The following HYKK variants were observed in gnomAD, a reference collection of about 807,000 sequenced individuals.
HYKK encodes the protein hydroxylysine kinase.
HYKK carries 19 observed loss-of-function variants against 29.7 expected under a neutral mutation model. The observed-to-expected ratio is 0.64, with a 90% CI of 0.45 to 0.94. The LOEUF is 0.94. HYKK is among the 40% of genes least tolerant of loss of function. The probability of loss-of-function intolerance (pLI) is 0.00; values close to 1 mark genes in which losing one functional copy is unlikely to be tolerated. For missense variants in HYKK, 390 were observed against 443.4 expected (o/e 0.88, Z 1.08); for synonymous variants, 152 against 158.1 (o/e 0.96, Z 0.29).
At chr15:78,528,922 GA>G in intron 4 of HYKK, 1 of 888,454 alleles carries the variant, frequency 1.1e-6, no homozygotes, top group African/African-American at 1.8e-5. Context: ...CGTAAAAACA[GA>G]GTTGATTTTT....
At position 78,534,180 on chromosome 15, in the gene HYKK, C is replaced by T. The variant is rs184658386; in HGVS notation, c.*510C>T. ...GTATAATGGATCGTGGTTGTGCAGT[C>T]ATCTTGCCTGAGAGCTACTGAGGGC... On this transcript the variant is annotated 3_prime_UTR_variant, in exon 5 of 5. Transcript: ENST00000388988. 7.3e-5 allele frequency: 11 copies of T among 151,372 alleles called. No individual in the cohort carries two copies. The highest frequency in any genetic ancestry group is 2.7e-4 in the African/African-American group (11 of 41,078). The allele number at this position is 151,372 out of a possible 1,614,324, so 9.4% of individuals were successfully genotyped here. A position where few individuals can be genotyped will look rare whatever the true frequency, so the allele number is the denominator to read the frequency against.
At chr15:78,517,611 C>T (rs1004150335) in intron 3 of HYKK, among the ~76,000 whole-genome samples, 1 of 151,984 alleles carries the variant, frequency 6.6e-6, no homozygotes, top group African/African-American at 2.4e-5. Context: ...TCTTTATCTC[C>T]AGTTTTGAGC....
rs1469685175 is a variant in HYKK, at chr15:78,527,473, C to T, written c.571C>T (p.Leu191=). Residue 191 remains leucine, a synonymous_variant, in exon 4 of 5, where the codon CTG becomes TTG. Coordinates refer to ENST00000388988, the MANE Select transcript of HYKK (RefSeq NM_001013619.4). Reference sequence around the variant, plus strand: ...TCTTCTGGAGAAATACCTGTATGCCCTGGGCCAGAATCGAAACCGAGAGAT... The same window carrying T: ...TCTTCTGGAGAAATACCTGTATGCCTTGGGCCAGAATCGAAACCGAGAGAT... The part of the protein sequence containing the change: ...VPLLEKYLYA[L]GQNRNREIVE... 1 of 1,614,030 alleles carries T rather than the reference C, an allele frequency of 6.2e-7. No individual in the cohort carries two copies. Among genetic ancestry groups the T allele is most frequent in the African/African-American group, 1.3e-5 (1 of 74,996 alleles).
intron 4 of HYKK, chr15:78,527,809 T>C: frequency 9.4e-7 from 1 of 1,061,298 alleles, no homozygotes; most frequent in Non-Finnish European, 1.2e-6. Context: ...ATATGTATGA[T>C]TTATAAATTA....
At chr15:78,532,067 T>C (rs1405244338) in intron 4 of HYKK, among the ~76,000 whole-genome samples, 1 of 152,212 alleles carries the variant, frequency 6.6e-6, no homozygotes, top group Non-Finnish European at 1.5e-5. Context: ...TCATTGCTCA[T>C]GGACACTTAC....
chr15:78,519,216 A>G (rs1365810225), intron 3 of HYKK, among the ~76,000 whole-genome samples: 2 of 152,280 alleles, frequency 1.3e-5, no homozygotes, highest in East Asian at 3.9e-4. Context: ...CTATACTTAC[A>G]ATAATCACCA....
rs1460503838 is a variant in HYKK at position 78,513,196 on chromosome 15, G to T, written c.108G>T (p.Lys36Asn). Reference protein sequence around the residue: ...VESVFGLKVSKVRPLPSYDDQ... With the variant: ...VESVFGLKVSNVRPLPSYDDQ... ...CAGTGTTTGGGTTGAAAGTTTCCAA[G>T]GTCCGGCCACTTCCTAGCTATGATG... The change falls in exon 2 of 5, where the codon AAG (lysine) becomes AAT (asparagine). Residue 36 changes from lysine to asparagine, a missense_variant. Coordinates refer to ENST00000388988, the MANE Select transcript of HYKK (RefSeq NM_001013619.4). The T allele has an allele frequency of 6.2e-7, 1 of 1,614,132 alleles. No individual in the cohort carries two copies. The highest frequency in any genetic ancestry group is 8.5e-7 in the Non-Finnish European group (1 of 1,180,002).
At chr15:78,528,157 G>T in intron 4 of HYKK, 1 of 153,428 alleles carries the variant, frequency 6.5e-6, no homozygotes, top group South Asian at 2.1e-4. Context: ...AGCAGGAGGT[G>T]AGCAGAGGGA....
In HYKK at chr15:78,531,842, A is replaced by G. The variant is rs115119685; in HGVS notation, c.662-1368A>G. Among the ~76,000 whole-genome samples the G allele has an allele frequency of 3.0e-3, 464 of 152,234 alleles. 1 individual carries two copies. Among genetic ancestry groups the G allele is most frequent in the African/African-American group, 0.011 (450 of 41,538 alleles). ...GAGCCACTGGGCCCGGTCAAATTTT[A>G]CCTTATATATTTTTGAGTCAATTAT... On this transcript the variant is annotated intron_variant, in intron 4 of 4. Transcript: ENST00000388988.
At chr15:78,537,276 A>G (rs766500950), downstream of HYKK, 2 of 638,772 alleles carry the variant, frequency 3.1e-6, no homozygotes, top group Non-Finnish European at 2.9e-6. Context: ...CATAAATTAA[A>G]TATTTATTTT....
chr15:78,525,422 T>C (rs932627784), intron 3 of HYKK, among the ~76,000 whole-genome samples: 1 of 151,782 alleles, frequency 6.6e-6, no homozygotes, highest in Non-Finnish European at 1.5e-5. Context: ...TCCCAAAGTG[T>C]TGGGATTACA....
chr15:78,532,825 C>A (rs2052325084), intron 4 of HYKK, among the ~76,000 whole-genome samples: 1 of 152,050 alleles, frequency 6.6e-6, no homozygotes, highest in Non-Finnish European at 1.5e-5. Flanking sequence ...AAATAAAATC[C>A]TAGATGAAAA....
chr15:78,511,415 A>C (rs1048911670), intron 1 of HYKK, among the ~76,000 whole-genome samples: 1 of 152,068 alleles, frequency 6.6e-6, no homozygotes, highest in Non-Finnish European at 1.5e-5. Flanking sequence ...CCGCCCATGT[A>C]TCCAAATCAT....
chr15:78,527,305 A>T, intron 3 of HYKK, 75 bp from the exon 4 acceptor site: 7 of 1,165,340 alleles, frequency 6.0e-6, no homozygotes, highest in Non-Finnish European at 7.2e-6. Flanking sequence ...AAAAAAAAAA[A>T]TGTGCAGCAC....
At chr15:78,522,101 C>T (rs532267637) in intron 3 of HYKK, among the ~76,000 whole-genome samples, 12 of 151,702 alleles carry the variant, frequency 7.9e-5, no homozygotes, top group African/African-American at 2.7e-4. Context: ...TGAGCCATGA[C>T]GCCCAGCTAT....
intron 3 of HYKK, 39 bp downstream of exon 3, chr15:78,515,146 G>A: frequency 6.9e-7 from 1 of 1,446,418 alleles, no homozygotes; most frequent in African/African-American, 1.5e-5. Flanking sequence ...AGGGATGTTT[G>A]TTTGCTTGTT....
intron 3 of HYKK, among the ~76,000 whole-genome samples, chr15:78,516,904 C>T (rs1337082913): frequency 6.6e-6 from 1 of 151,878 alleles, no homozygotes; most frequent in African/African-American, 2.4e-5. Context: ...TGCTTGTAGT[C>T]CCAGCTACTT....
chr15:78,526,816 G>A (rs545522788), intron 3 of HYKK, among the ~76,000 whole-genome samples: 1 of 152,250 alleles, frequency 6.6e-6, no homozygotes, highest in South Asian at 2.1e-4. Flanking sequence ...AGATATGAAG[G>A]CTTACTATTT....
Position 78,508,880 on chromosome 15 carries a change from C to CAAAAAA in HYKK, c.-6+1224_-6+1229dup, listed in dbSNP as rs71148531. On this transcript the variant is annotated intron_variant, in intron 1 of 4. Coordinates refer to ENST00000388988, the MANE Select transcript of HYKK (RefSeq NM_001013619.4). ...GCAACATAGTGGGACCCTCTCTCTC[C>CAAAAAA]AAAAAAAAAAAAAAAAAAAAGGCCA... Among the ~76,000 whole-genome samples the CAAAAAA allele has an allele frequency of 9.5e-3, 529 of 55,578 alleles. 51 individuals carry two copies. The highest frequency in any genetic ancestry group is 0.052 in the East Asian group (102 of 1,964). 36.5% of individuals were successfully genotyped at this position (55,578 alleles called of 152,430 possible). A position where few individuals can be genotyped will look rare whatever the true frequency, so the allele number is the denominator to read the frequency against.
Sources: gnomAD v4.1 joint callset for allele counts (sites outside exome capture counted in the v4.1 genomes callset) on GRCh38, gnomAD v4.1.1 for gene constraint, MANE v1.5 for transcripts, NCBI Gene and HGNC (gene_info 2026-07-23, HGNC 2026-07-21) for gene names.